Variants in TGFA observed in about 807,000 individuals in gnomAD.
The protein encoded by TGFA is protransforming growth factor alpha.
In TGFA, 12 loss-of-function variants were observed where a neutral mutation model predicts 21.7. The ratio of observed to expected loss-of-function variants is 0.55; its 90% CI spans 0.35 to 0.90. The LOEUF (loss-of-function observed/expected upper bound fraction) is 0.90. Ranked by LOEUF, TGFA falls within the 40% of genes least tolerant of loss-of-function variation. TGFA has a pLI of 0.01. For missense variants in TGFA, 178 were observed against 210.8 expected, an observed-to-expected ratio of 0.84 and a Z score of 0.96; for synonymous variants, 79 against 88.1, an observed-to-expected ratio of 0.90 and a Z score of 0.58.
In TGFA at chr2:70,487,808, T is replaced by C. The variant is rs782634376; in HGVS notation, c.95-22072A>G. ...GAAACCGAATATCCTTCTACATAGA[T>C]CTTTGTTCACGCACATTTATGATTA... On this transcript the variant is annotated intron_variant, in intron 2 of 5. Transcript: ENST00000295400. Among the ~76,000 whole-genome samples the C allele has an allele frequency of 2.6e-5, 4 of 152,344 alleles. No homozygotes were observed. The East Asian group carries it at 7.7e-4, about 29-fold the overall frequency.
chr2:70,545,715 G>A (rs1553505791), intron 1 of TGFA, among the ~76,000 whole-genome samples: 9 of 152,014 alleles, frequency 5.9e-5, no homozygotes, highest in Non-Finnish European at 1.5e-5. Flanking sequence ...AAATATATAA[G>A]TAAAGGTAGA....
chr2:70,468,531 G>A (rs1553492681), intron 2 of TGFA: 1 of 152,264 alleles, frequency 6.6e-6, no homozygotes, highest in African/African-American at 2.4e-5. Context: ...GAGAGATGAA[G>A]GGGCTAGACT....
intron 2 of TGFA, among the ~76,000 whole-genome samples, chr2:70,474,305 T>A (rs1055128505): frequency 6.6e-6 from 1 of 152,224 alleles, no homozygotes; most frequent in Non-Finnish European, 1.5e-5. Context: ...TGAAATTTGA[T>A]CTCAGTTTTC....
intron 1 of TGFA, among the ~76,000 whole-genome samples, chr2:70,516,482 C>T (rs1320588571): frequency 6.6e-6 from 1 of 152,186 alleles, no homozygotes; most frequent in Admixed American, 6.5e-5. Context: ...GCATGGACCT[C>T]CGAAAGACTT....
chr2:70,512,146 C>G (rs539839306), intron 2 of TGFA, among the ~76,000 whole-genome samples: 8 of 152,176 alleles, frequency 5.3e-5, no homozygotes, highest in Admixed American at 1.3e-4. Flanking sequence ...AAAGCCCCAG[C>G]CTTTGGAGGT....
intron 1 of TGFA, among the ~76,000 whole-genome samples, chr2:70,542,818 AC>A (rs1481003171): frequency 6.6e-6 from 1 of 152,174 alleles, no homozygotes; most frequent in Non-Finnish European, 1.5e-5. Flanking sequence ...TACTTATGAA[AC>A]TTTTCCTTCA....
At chr2:70,524,877 G>T (rs1416572498) in intron 1 of TGFA, among the ~76,000 whole-genome samples, 2 of 152,204 alleles carry the variant, frequency 1.3e-5, no homozygotes, top group Admixed American at 1.3e-4. Flanking sequence ...CCATGGGGAG[G>T]TTATAAGTCC....
chr2:70,506,265 A>G (rs527941433), intron 2 of TGFA, among the ~76,000 whole-genome samples: 34 of 152,342 alleles, frequency 2.2e-4, no homozygotes, highest in African/African-American at 8.2e-4. Flanking sequence ...ACAGACTCCC[A>G]GTGACCAGCA....
chr2:70,550,374 T>C (rs1673452881), intron 1 of TGFA, among the ~76,000 whole-genome samples: 1 of 151,994 alleles, frequency 6.6e-6, no homozygotes, highest in South Asian at 2.1e-4. Context: ...ACTTTACAGA[T>C]GACAAAACTG....
At chr2:70,531,832 C>A (rs35541367) in intron 1 of TGFA, among the ~76,000 whole-genome samples, 10,725 of 152,222 alleles carry the variant, frequency 0.07, 463 homozygotes, top group Middle Eastern at 0.13. Flanking sequence ...CATTGATCAA[C>A]CCTTGAATGT....
intron 2 of TGFA, among the ~76,000 whole-genome samples, chr2:70,506,131 A>C (rs1387575384): frequency 1.3e-5 from 2 of 152,216 alleles, no homozygotes; most frequent in African/African-American, 4.8e-5. Context: ...ATTTCATCAC[A>C]GTAAGGCCAA....
Position 70,451,384 on chromosome 2 carries a change from G to C in TGFA, c.476-518C>G, listed in dbSNP as rs1299987867. Among the ~76,000 whole-genome samples the C allele has an allele frequency of 4.6e-5, 7 of 152,332 alleles. No individual in the cohort carries two copies. The Middle Eastern group carries it at 0.017, about 370-fold the overall frequency. On this transcript the variant is annotated intron_variant, in intron 5 of 5. Coordinates refer to ENST00000295400, the MANE Select transcript of TGFA (RefSeq NM_003236.4). The stretch of plus-strand genomic sequence containing the variant: ...CAGCTTAGCCTGGACATGTCTCTAG[G>C]TCCTTGCCATGGTTCTTCTAGAGGT...
intron 2 of TGFA, among the ~76,000 whole-genome samples, chr2:70,473,294 T>C (rs1424319765): frequency 6.6e-6 from 1 of 152,152 alleles, no homozygotes; most frequent in Non-Finnish European, 1.5e-5. Flanking sequence ...GCAGAACTGC[T>C]AAGCCAGAGC....
intron 1 of TGFA, among the ~76,000 whole-genome samples, chr2:70,533,664 T>C (rs1672886250): frequency 6.6e-6 from 1 of 152,208 alleles, no homozygotes; most frequent in Non-Finnish European, 1.5e-5. Flanking sequence ...TGTTAACTGT[T>C]AACTGTTAAC....
intron 2 of TGFA, among the ~76,000 whole-genome samples, chr2:70,488,203 C>T (rs536279373): frequency 2.6e-5 from 4 of 152,128 alleles, no homozygotes; most frequent in Admixed American, 6.5e-5. Context: ...CTCTGTATCC[C>T]GTTATATATG....
At chr2:70,487,351 T>C (rs1671299607) in intron 2 of TGFA, among the ~76,000 whole-genome samples, 1 of 152,224 alleles carries the variant, frequency 6.6e-6, no homozygotes, top group African/African-American at 2.4e-5. Context: ...TGGAAGTCTT[T>C]TGGATTTTGG....
chr2:70,537,099 T>C (rs1251576811), intron 1 of TGFA, among the ~76,000 whole-genome samples: 1 of 150,564 alleles, frequency 6.6e-6, no homozygotes, highest in Non-Finnish European at 1.5e-5. Flanking sequence ...CACAATTCAT[T>C]ATTATTATAA....
intron 1 of TGFA, among the ~76,000 whole-genome samples, chr2:70,522,776 C>T (rs555985486): frequency 1.3e-5 from 2 of 152,236 alleles, no homozygotes; most frequent in African/African-American, 2.4e-5. Context: ...CTTAAGTAGA[C>T]GTGGGCCATG....
Position 70,470,047 on chromosome 2 carries a change from G to A in TGFA, c.95-4311C>T, listed in dbSNP as rs190331732. On this transcript the variant is annotated intron_variant, in intron 2 of 5. Coordinates refer to ENST00000295400, the MANE Select transcript of TGFA (RefSeq NM_003236.4). ...AACAAGTGTGTGTGGGAGAAACAGC[G>A]AGAAGGAGAGAGACGGGAGAGAGGG... 7.7e-3 allele frequency among the ~76,000 whole-genome samples: 1,176 copies of A among 151,874 alleles called. 19 individuals carry two copies. Among genetic ancestry groups the A allele is most frequent in the African/African-American group, 0.027 (1,123 of 41,464 alleles).
Sources: gnomAD v4.1 joint callset for allele counts (sites outside exome capture counted in the v4.1 genomes callset) on GRCh38, gnomAD v4.1.1 for gene constraint, MANE v1.5 for transcripts, NCBI Gene and HGNC (gene_info 2026-07-23, HGNC 2026-07-21) for gene names.